Variants in TMEM268 observed in about 807,000 individuals in gnomAD.
TMEM268 encodes the protein transmembrane protein 268.
A neutral mutation model predicts 39.1 loss-of-function variants in TMEM268; 24 were observed. That is an observed-to-expected ratio of 0.61 (90% CI 0.44 to 0.86). The LOEUF is 0.86. Among genes scored for constraint, TMEM268 ranks in the 40% least tolerant of loss-of-function variants. The pLI is 0.00. For missense variants in TMEM268, 409 were observed against 428.6 expected (o/e 0.95, Z 0.40); for synonymous variants, 176 against 173.5 (o/e 1.01, Z -0.12).
chr9:114,619,560 G>A (rs912993969), intron 2 of TMEM268, among the ~76,000 whole-genome samples: 2 of 152,182 alleles, frequency 1.3e-5, no homozygotes, highest in Admixed American at 1.3e-4. Flanking sequence ...GAGTCTCCAT[G>A]CGTGGAGTCC....
rs796472696 is a variant in TMEM268 at position 114,645,174 on chromosome 9, G to C, written c.*1861G>C. 1.3e-5 allele frequency: 2 copies of C among 152,310 alleles called. No homozygotes were observed. Among genetic ancestry groups the C allele is most frequent in the African/African-American group, 4.8e-5 (2 of 41,402 alleles). The allele number at this position is 152,310 out of a possible 1,614,324, so 9.4% of individuals were successfully genotyped here. On this transcript the variant is annotated 3_prime_UTR_variant, in exon 9 of 9. Transcript: ENST00000288502. The stretch of plus-strand genomic sequence containing the variant: ...TTATTCTGCCCCCTCATAGCCCTTG[G>C]CCTATCTATCTTTATCCACATGCAG...
At chr9:114,629,534 T>C (rs986243213) in intron 5 of TMEM268, among the ~76,000 whole-genome samples, 4 of 152,266 alleles carry the variant, frequency 2.6e-5, no homozygotes, top group African/African-American at 9.6e-5. Context: ...TAAGGTCAGC[T>C]GATTAACAAC....
rs1589366482 is a variant in TMEM268 at position 114,643,373 on chromosome 9, C to T, written c.*60C>T. The T allele has an allele frequency of 1.3e-6, 2 of 1,496,468 alleles. No individual in the cohort carries two copies. The highest frequency in any genetic ancestry group is 1.4e-5 in the African/African-American group (1 of 72,286). 92.7% of individuals were successfully genotyped at this position (1,496,468 alleles called of 1,614,324 possible). The stretch of plus-strand genomic sequence containing the variant: ...TGAGCAGTCAGGAAGGCTTCAGGAG[C>T]CCAAGATGGCCAATGGGGAGCCCCA... On this transcript the variant is annotated 3_prime_UTR_variant, in exon 9 of 9. Transcript: ENST00000288502.
rs1827448729 is a variant in TMEM268 at position 114,643,577 on chromosome 9, C to T, written c.*264C>T. 1 of 423,552 alleles carries T rather than the reference C, an allele frequency of 2.4e-6. No individual in the cohort carries two copies. The highest frequency in any genetic ancestry group is 4.3e-6 in the Non-Finnish European group (1 of 232,578). The allele number at this position is 423,552 out of a possible 1,614,324, so 26.2% of individuals were successfully genotyped here. On this transcript the variant is annotated 3_prime_UTR_variant, in exon 9 of 9. Transcript: ENST00000288502. ...AGTCCCACCAAAGCTACTCTCTCTG[C>T]TGCTTAGAACTGTGGACACGTATGG...
At chr9:114,612,381 C>A (rs1356299078) in intron 1 of TMEM268, among the ~76,000 whole-genome samples, 1 of 152,188 alleles carries the variant, frequency 6.6e-6, no homozygotes, top group Admixed American at 6.5e-5. Flanking sequence ...CTCTAGTTTT[C>A]CTGCTTAGTT....
intron 1 of TMEM268, among the ~76,000 whole-genome samples, chr9:114,612,172 T>TC (rs776982616): frequency 3.9e-5 from 6 of 152,124 alleles, no homozygotes; most frequent in Non-Finnish European, 8.8e-5. Flanking sequence ...CTGACGAATC[T>TC]CAGTGCTGCA....
chr9:114,615,494 G>A (rs373309180), intron 1 of TMEM268: 1 of 152,938 alleles, frequency 6.5e-6, no homozygotes, highest in Non-Finnish European at 1.5e-5. Flanking sequence ...GGGGAGAAAA[G>A]AGTAGAACAA....
At chr9:114,605,191 C>T in the TMEM268 span, among the ~76,000 whole-genome samples, 1 of 152,160 alleles carries the variant, frequency 6.6e-6, no homozygotes, top group Non-Finnish European at 1.5e-5. Context: ...CTTGTTTTTC[C>T]ACCTGTTTAA....
In TMEM268 at chr9:114,626,960, GATATATC is replaced by G; in HGVS notation, c.281_287del (p.Tyr94SerfsTer42). 2.5e-6 allele frequency: 4 copies of G among 1,613,758 alleles called. No homozygotes were observed. The highest frequency in any genetic ancestry group is 3.4e-6 in the Non-Finnish European group (4 of 1,179,702). ...GCCCTCTTGGAGCCCCAAGTGAGAA[GATATATC>G]ATCTACAACTCGAGGCCTATGCGGC... On this transcript the variant is annotated frameshift_variant, in exon 4 of 9. Transcript: ENST00000288502. LOFTEE classifies it high-confidence loss of function.
chr9:114,617,409 G>T, intron 2 of TMEM268, 108 bp downstream of exon 2: 1 of 831,512 alleles, frequency 1.2e-6, no homozygotes, highest in Non-Finnish European at 2.0e-6. Flanking sequence ...TGTCTTTGAG[G>T]CCATATTCTG....
chr9:114,638,600 C>A lies in TMEM268; in HGVS notation c.723C>A (p.Ser241Arg), dbSNP rs1295696469. 1 of 1,608,514 alleles carries A rather than the reference C, an allele frequency of 6.2e-7. No homozygotes were observed. The highest frequency in any genetic ancestry group is 1.7e-5 in the Admixed American group (1 of 59,090). The change falls in exon 8 of 9, where the codon AGC becomes AGA. Residue 241 changes from serine (S) to arginine (R), a missense_variant. By Grantham distance (110) the Ser-to-Arg change is moderately radical. Coordinates refer to ENST00000288502, the MANE Select transcript of TMEM268 (RefSeq NM_153045.4). ...GTGTTGTCATGGAGACTGGGGTGAGCCCTGCAACAGCGGAGGGGCCTGAGA... is the reference window on the plus strand; with the variant it reads ...GTGTTGTCATGGAGACTGGGGTGAGACCTGCAACAGCGGAGGGGCCTGAGA... ...QLCVVMETGVSPATAEGPENL... is the reference protein window; with the variant it reads ...QLCVVMETGVRPATAEGPENL...
chr9:114,613,835 G>A (rs1845600722), intron 1 of TMEM268, among the ~76,000 whole-genome samples: 2 of 152,184 alleles, frequency 1.3e-5, no homozygotes, highest in Non-Finnish European at 2.9e-5. Flanking sequence ...CAAGGGCATG[G>A]AAATTATGGG....
chr9:114,620,226 T>A (rs1438888345), intron 2 of TMEM268, among the ~76,000 whole-genome samples: 1 of 143,478 alleles, frequency 7.0e-6, no homozygotes, highest in African/African-American at 2.6e-5. Context: ...AAAAAAAAAA[T>A]TATTTTTATA....
At chr9:114,632,112 A>AG (rs1014488488) in intron 5 of TMEM268, among the ~76,000 whole-genome samples, 1 of 152,016 alleles carries the variant, frequency 6.6e-6, no homozygotes, top group African/African-American at 2.4e-5. Flanking sequence ...AAAAAAAAAA[A>AG]AAAAATCACT....
At chr9:114,615,650 C>G (rs148328739) in intron 1 of TMEM268, 2 of 152,198 alleles carry the variant, frequency 1.3e-5, no homozygotes, top group Non-Finnish European at 2.9e-5. Context: ...TGCTAGGGAG[C>G]CTGATTGCTT....
At position 114,644,513 on chromosome 9, in the gene TMEM268, A is replaced by G. The variant is rs915303783; in HGVS notation, c.*1200A>G. The G allele has an allele frequency of 6.6e-6, 1 of 152,084 alleles. No homozygotes were observed. Among genetic ancestry groups the G allele is most frequent in the African/African-American group, 2.4e-5 (1 of 41,398 alleles). 9.4% of individuals were successfully genotyped at this position (152,084 alleles called of 1,614,324 possible). On this transcript the variant is annotated 3_prime_UTR_variant, in exon 9 of 9. Coordinates refer to ENST00000288502, the MANE Select transcript of TMEM268 (RefSeq NM_153045.4). ...GATTCTGTTTTCCTGTGTATATGCCAGTTTTTCTAGCTAGACTGTAAACTC... is the reference window on the plus strand; with the variant it reads ...GATTCTGTTTTCCTGTGTATATGCCGGTTTTTCTAGCTAGACTGTAAACTC...
At chr9:114,609,370 A>G (rs1273609975), upstream of TMEM268, among the ~76,000 whole-genome samples, 1 of 151,816 alleles carries the variant, frequency 6.6e-6, no homozygotes, top group African/African-American at 2.4e-5. Flanking sequence ...GACTCAGCAC[A>G]TCTACTTATA....
At chr9:114,616,257 T>G (rs1301387674) in intron 1 of TMEM268, among the ~76,000 whole-genome samples, 2 of 150,296 alleles carry the variant, frequency 1.3e-5, no homozygotes, top group Admixed American at 6.6e-5. Flanking sequence ...CCTCGTGATG[T>G]GCCAGCCTCG....
At chr9:114,611,042 G>GA (rs1554755371), upstream of TMEM268, among the ~76,000 whole-genome samples, 1 of 152,100 alleles carries the variant, frequency 6.6e-6, no homozygotes, top group Non-Finnish European at 1.5e-5. Context: ...GCAACACAGC[G>GA]AAACCCCCGA....
Sources: gnomAD v4.1 joint callset for allele counts (sites outside exome capture counted in the v4.1 genomes callset) on GRCh38, gnomAD v4.1.1 for gene constraint, MANE v1.5 for transcripts, NCBI Gene and HGNC (gene_info 2026-07-23, HGNC 2026-07-21) for gene names.